The following CIITA variants were observed in gnomAD, a reference collection of about 807,000 sequenced individuals.
CIITA encodes the protein MHC class II transactivator.
In CIITA, 72 loss-of-function variants were observed where a neutral mutation model predicts 115.1. The ratio of observed to expected loss-of-function variants is 0.63; its 90% CI spans 0.52 to 0.76. The LOEUF is 0.76. Ranked by LOEUF, CIITA falls within the 30% of genes least tolerant of loss-of-function variation. CIITA has a pLI of 0.00. For missense variants in CIITA, 1,617 were observed against 1,463.8 expected (o/e 1.10, Z -1.71); for synonymous variants, 763 against 635.6 (o/e 1.20, Z -3.02).
At chr16:10,910,657 G>A (rs1295773303) in intron 13 of CIITA, among the ~76,000 whole-genome samples, 1 of 152,178 alleles carries the variant, frequency 6.6e-6, no homozygotes, top group Non-Finnish European at 1.5e-5. Context: ...AGTGGGGAGA[G>A]GGGAGTAAGA....
rs1390572757 is a variant in CIITA at position 10,920,815 on chromosome 16, T to A, written c.3150-1352T>A. 6.6e-6 allele frequency among the ~76,000 whole-genome samples: 1 copy of A among 152,156 alleles called. No individual in the cohort carries two copies. The highest frequency in any genetic ancestry group is 1.5e-5 in the Non-Finnish European group (1 of 68,020). ...TTCTGCACTGGTACCGGCCGACCCGTGATGTGAGTTGATTTAGCCTGAATC... is the reference window on the plus strand; with the variant it reads ...TTCTGCACTGGTACCGGCCGACCCGAGATGTGAGTTGATTTAGCCTGAATC... On this transcript the variant is annotated intron_variant, in intron 16 of 19. Transcript: ENST00000324288. The surrounding 1 kb of genome is among the most constrained non-coding windows in gnomAD (Gnocchi z 4.5).
At position 10,927,867 on chromosome 16, in the gene CIITA, G is replaced by A. The variant is rs1163760041; in HGVS notation, c.*4012G>A. The A allele has an allele frequency of 2.6e-5, 4 of 152,246 alleles. No homozygotes were observed. The highest frequency in any genetic ancestry group is 1.5e-5 in the Non-Finnish European group (1 of 68,070). The allele number at this position is 152,246 out of a possible 1,614,324, so 9.4% of individuals were successfully genotyped here. A position where few individuals can be genotyped will look rare whatever the true frequency, so the allele number is the denominator to read the frequency against. On this transcript the variant is annotated 3_prime_UTR_variant, in exon 20 of 20. Transcript: ENST00000324288. Reference sequence around the variant, plus strand: ...GGCACAGTGTGCCGGAAGTGCCCCTGAACCCCATTTGTCAGGTGGTAAAGC... The same window carrying A: ...GGCACAGTGTGCCGGAAGTGCCCCTAAACCCCATTTGTCAGGTGGTAAAGC...
chr16:10,912,858 G>GAGGAAGGA (rs771130559), intron 13 of CIITA, among the ~76,000 whole-genome samples: 1 of 152,218 alleles, frequency 6.6e-6, no homozygotes, highest in Non-Finnish European at 1.5e-5. Flanking sequence ...AGGAGGTTCT[G>GAGGAAGGA]AGGAAGGAAG....
In CIITA at chr16:10,877,400, G is replaced by A; in HGVS notation, c.52+18G>A. On this transcript the variant is annotated intron_variant, in intron 1 of 19. Coordinates refer to ENST00000324288, the MANE Select transcript of CIITA (RefSeq NM_000246.4). ...GCCCCAAGGTAAAAAGGCCGGGAAA[G>A]CATCTTAATTTAGCGTGCAGTCTCA... 1.2e-6 allele frequency: 2 copies of A among 1,610,868 alleles called. No individual in the cohort carries two copies. The highest frequency in any genetic ancestry group is 1.7e-6 in the Non-Finnish European group (2 of 1,178,388).
In CIITA at chr16:10,879,800, C is replaced by T. The variant is rs560340807; in HGVS notation, c.52+2418C>T. 2.6e-5 allele frequency among the ~76,000 whole-genome samples: 4 copies of T among 152,168 alleles called. No homozygotes were observed. The highest frequency in any genetic ancestry group is 9.6e-5 in the African/African-American group (4 of 41,524). The stretch of plus-strand genomic sequence containing the variant: ...GTGGGAGATTGGATCTCCCTGGGGT[C>T]CAGGAAAGCCGGAATCGGAGCCACC... On this transcript the variant is annotated intron_variant, in intron 1 of 19. Coordinates refer to ENST00000324288, the MANE Select transcript of CIITA (RefSeq NM_000246.4). The surrounding 1 kb of genome is among the most constrained non-coding windows in gnomAD (Gnocchi z 4.3).
In CIITA at chr16:10,907,604, C is replaced by T. The variant is rs1463138775; in HGVS notation, c.2112C>T (p.Ser704=). The T allele has an allele frequency of 1.2e-5, 19 of 1,614,106 alleles. No homozygotes were observed. In the East Asian group the frequency reaches 1.6e-4, roughly 13 times the overall value. Residue 704 remains serine (S), a synonymous_variant, in exon 11 of 20, where the codon TCC becomes TCT. Coordinates refer to ENST00000324288, the MANE Select transcript of CIITA (RefSeq NM_000246.4). This position sits in a 1 kb window ranked among gnomAD's most constrained non-coding sequence, Gnocchi z 5.0. Reference sequence around the variant, plus strand: ...AACACCCACCGCGGGCCGCAGAGTCCGAGCTGGCCTTCCCCAGCTTCCTCC... The same window carrying T: ...AACACCCACCGCGGGCCGCAGAGTCTGAGCTGGCCTTCCCCAGCTTCCTCC... The part of the protein sequence containing the change: ...LVQHPPRAAE[S]ELAFPSFLLQ...
intron 1 of CIITA, among the ~76,000 whole-genome samples, chr16:10,866,847 C>A (rs1271084315): frequency 6.6e-6 from 1 of 152,228 alleles, no homozygotes; most frequent in Non-Finnish European, 1.5e-5. Flanking sequence ...CCTGACGATA[C>A]ACCAACATTA....
intron 1 of CIITA, among the ~76,000 whole-genome samples, chr16:10,892,755 A>G (rs1331214471): frequency 6.6e-6 from 1 of 152,202 alleles, no homozygotes; most frequent in Non-Finnish European, 1.5e-5. Context: ...CAACATGGCA[A>G]AACCCCATTT....
rs2036208279 is a variant in CIITA, at chr16:10,879,578, G to A, written c.52+2196G>A. ...GGAGCCAAACCTTTAACCAGAGGAT[G>A]GGATAAGTCCTCAACTCTCGTTGAA... On this transcript the variant is annotated intron_variant, in intron 1 of 19. Transcript: ENST00000324288. This position sits in a 1 kb window ranked among gnomAD's most constrained non-coding sequence, Gnocchi z 4.3. Among the ~76,000 whole-genome samples the A allele has an allele frequency of 6.6e-6, 1 of 152,144 alleles. No homozygotes were observed. The highest frequency in any genetic ancestry group is 2.1e-4 in the South Asian group (1 of 4,828).
chr16:10,893,976 C>A (rs1159498731), intron 1 of CIITA, among the ~76,000 whole-genome samples: 2 of 152,068 alleles, frequency 1.3e-5, no homozygotes, highest in East Asian at 3.9e-4. Context: ...TTCCAAAATC[C>A]CTCTCTGCCA....
chr16:10,903,464 G>A (rs2038926491), intron 8 of CIITA, among the ~76,000 whole-genome samples: 1 of 152,300 alleles, frequency 6.6e-6, no homozygotes, highest in Non-Finnish European at 1.5e-5. Flanking sequence ...CACACAGCAG[G>A]AAGAGTGCAA....
intron 1 of CIITA, among the ~76,000 whole-genome samples, chr16:10,889,003 T>C (rs2037251003): frequency 6.6e-6 from 1 of 152,222 alleles, no homozygotes; most frequent in African/African-American, 2.4e-5. Flanking sequence ...ACGAGTCATG[T>C]CATTTGGTAC....
At position 10,942,034 on chromosome 16, in the gene CIITA, C is replaced by G. The variant is rs572435508; in HGVS notation, n.1160C>G. On this transcript the variant is annotated non_coding_transcript_exon_variant, in exon 2 of 2. Coordinates refer to the CIITA transcript ENST00000573379. The surrounding 1 kb of genome is among the most constrained non-coding windows in gnomAD (Gnocchi z 5.0). ...GCGGGTGGCAAGGGCGGCGGCCCGGCGATCCCGGCGAACTCAGCCGCTGCG... is the reference window on the plus strand; with the variant it reads ...GCGGGTGGCAAGGGCGGCGGCCCGGGGATCCCGGCGAACTCAGCCGCTGCG... 29 of 1,371,130 alleles carry G rather than the reference C, an allele frequency of 2.1e-5. No homozygotes were observed. The African/African-American group carries it at 4.3e-4, about 20-fold the overall frequency. 84.9% of individuals were successfully genotyped at this position (1,371,130 alleles called of 1,614,324 possible).
chr16:10,880,278 CA>C (rs1405789650), intron 1 of CIITA, among the ~76,000 whole-genome samples: 3 of 152,236 alleles, frequency 2.0e-5, no homozygotes, highest in African/African-American at 7.2e-5. Context: ...TTCCCGGGCT[CA>C]CCCCCAGGCC....
intron 1 of CIITA, among the ~76,000 whole-genome samples, chr16:10,890,276 G>A (rs1416353625): frequency 1.3e-5 from 2 of 150,242 alleles, no homozygotes; most frequent in Non-Finnish European, 2.9e-5. Flanking sequence ...TGCCCTGCTG[G>A]CTGTGGGGGC....
rs1334030589 is a variant in CIITA, at chr16:10,909,046, C to T, written c.2675C>T (p.Thr892Met). ...VTRFRAALSD[T>M]VALWESLQQH... Reference sequence around the variant, plus strand: ...CTCCACAGGGCTGCCTTGAGCGACACGGTGGCGCTGTGGGAGTCCCTGCAG... The same window carrying T: ...CTCCACAGGGCTGCCTTGAGCGACATGGTGGCGCTGTGGGAGTCCCTGCAG... The change falls in exon 12 of 20, where the codon ACG becomes ATG. Residue 892 changes from threonine to methionine, a missense_variant. Coordinates refer to ENST00000324288, the MANE Select transcript of CIITA (RefSeq NM_000246.4). 3.7e-6 allele frequency: 6 copies of T among 1,614,060 alleles called. No individual in the cohort carries two copies. In the African/African-American group the frequency reaches 6.7e-5, roughly 18 times the overall value.
intron 5 of CIITA, 76 bp downstream of exon 5, chr16:10,899,078 G>C: frequency 7.0e-7 from 1 of 1,432,496 alleles, no homozygotes; most frequent in East Asian, 2.3e-5. Context: ...GCCTGCTGTG[G>C]GTCCAACTTG....
chr16:10,918,665 C>T lies in CIITA; in HGVS notation c.3149+139C>T, dbSNP rs1213738283. 26 of 713,350 alleles carry T rather than the reference C, an allele frequency of 3.6e-5. No individual in the cohort carries two copies. The East Asian group carries it at 6.2e-4, about 17-fold the overall frequency. 44.2% of individuals were successfully genotyped at this position (713,350 alleles called of 1,614,324 possible). A position where few individuals can be genotyped will look rare whatever the true frequency, so the allele number is the denominator to read the frequency against. ...GCCCTGAACAAAAGGATTAGCGGGACGTGGTGAAAGAAACTCTGAGCAAGT... is the reference window on the plus strand; with the variant it reads ...GCCCTGAACAAAAGGATTAGCGGGATGTGGTGAAAGAAACTCTGAGCAAGT... On this transcript the variant is annotated intron_variant, in intron 16 of 19. Transcript: ENST00000324288.
chr16:10,891,130 G>C (rs192728944), intron 1 of CIITA, among the ~76,000 whole-genome samples: 47 of 152,258 alleles, frequency 3.1e-4, no homozygotes, highest in Non-Finnish European at 6.2e-4. Context: ...ATGTCTCCAG[G>C]CTCCTCCCTG....
Sources: gnomAD v4.1 joint callset for allele counts (sites outside exome capture counted in the v4.1 genomes callset) on GRCh38, gnomAD v4.1.1 for gene constraint, Gnocchi (gnomAD v3.1) non-coding constraint, MANE v1.5 for transcripts, NCBI Gene and HGNC (gene_info 2026-07-23, HGNC 2026-07-21) for gene names.